CTDSPL: variants seen among roughly 807,000 people sequenced by gnomAD.
CTDSPL encodes CTD small phosphatase like.
In CTDSPL, 8 loss-of-function variants were observed where a neutral mutation model predicts 30.5. That is an observed-to-expected ratio of 0.26 (90% CI 0.15 to 0.47). CTDSPL has a LOEUF of 0.47. CTDSPL is among the 20% of genes least tolerant of loss of function. The pLI is 0.99. For missense variants in CTDSPL, 248 were observed against 366.1 expected, an observed-to-expected ratio of 0.68 and a Z score of 2.63; for synonymous variants, 110 against 137.9, an observed-to-expected ratio of 0.80 and a Z score of 1.42.
At chr3:37,945,579 C>T (rs573934130) in intron 1 of CTDSPL, among the ~76,000 whole-genome samples, 2 of 152,284 alleles carry the variant, frequency 1.3e-5, no homozygotes, top group South Asian at 2.1e-4. Context: ...GCCTGGCGGT[C>T]CCAATGGCCT....
At chr3:37,965,503 G>C (rs1699290542) in intron 4 of CTDSPL, among the ~76,000 whole-genome samples, 1 of 152,162 alleles carries the variant, frequency 6.6e-6, no homozygotes. Flanking sequence ...TTAGGATTCT[G>C]GTCTTGTTTT....
intron 1 of CTDSPL, among the ~76,000 whole-genome samples, chr3:37,876,031 C>G (rs1181262783): frequency 6.6e-6 from 1 of 151,686 alleles, no homozygotes; most frequent in Non-Finnish European, 1.5e-5. Flanking sequence ...TCACTGGGGC[C>G]CAGGAGTTAG....
At chr3:37,870,599 AT>A (rs1698061162) in intron 1 of CTDSPL, among the ~76,000 whole-genome samples, 1 of 151,740 alleles carries the variant, frequency 6.6e-6, no homozygotes, top group South Asian at 2.1e-4. Context: ...CTTCCGCTTT[AT>A]TTGGGTTTAT....
chr3:37,933,317 C>T (rs552040533), intron 1 of CTDSPL, among the ~76,000 whole-genome samples: 2 of 152,272 alleles, frequency 1.3e-5, no homozygotes, highest in African/African-American at 4.8e-5. Context: ...CCTCTCCCTT[C>T]CAGTTCTGTC....
intron 1 of CTDSPL, among the ~76,000 whole-genome samples, chr3:37,943,973 G>A (rs984756659): frequency 6.6e-6 from 1 of 150,400 alleles, no homozygotes; most frequent in East Asian, 2.0e-4. Context: ...GCTGTGGGCC[G>A]TGACAGTAGC....
In CTDSPL at chr3:37,862,176, G is replaced by C; in HGVS notation, c.-24G>C. ...TTGGCTTGCGGGGGGCCGGGCCTGC[G>C]GGCGGCCGCCGCGCCGCGCACCCAT... On this transcript the variant is annotated 5_prime_UTR_variant, in exon 1 of 8. Transcript: ENST00000273179. The surrounding 1 kb of genome is among the most constrained non-coding windows in gnomAD (Gnocchi z 4.3). 8.9e-7 allele frequency: 1 copy of C among 1,129,692 alleles called. No individual in the cohort carries two copies. The highest frequency in any genetic ancestry group is 1.1e-6 in the Non-Finnish European group (1 of 920,742). The allele number at this position is 1,129,692 out of a possible 1,614,324, so 70.0% of individuals were successfully genotyped here.
At chr3:37,980,672 C>T (rs35271401) in intron 7 of CTDSPL, 70 bp from the exon 8 acceptor site, 82,794 of 1,555,382 alleles carry the variant, frequency 0.053, 2,540 homozygotes, top group Non-Finnish European at 0.061. Flanking sequence ...GTCCGGGTAC[C>T]CGGTTAGGTT....
chr3:37,882,618 A>G (rs993405359), intron 1 of CTDSPL, among the ~76,000 whole-genome samples: 3 of 151,852 alleles, frequency 2.0e-5, no homozygotes, highest in East Asian at 3.9e-4. Context: ...CTCCGTCTCA[A>G]AAAATAATAA....
intron 1 of CTDSPL, among the ~76,000 whole-genome samples, chr3:37,942,116 A>G (rs1698985771): frequency 6.7e-6 from 1 of 150,208 alleles, no homozygotes; most frequent in South Asian, 2.1e-4. Context: ...CCATGTCTAT[A>G]TCTAATTTTT....
At chr3:37,972,623 T>A (rs919156286) in intron 6 of CTDSPL, among the ~76,000 whole-genome samples, 1 of 152,244 alleles carries the variant, frequency 6.6e-6, no homozygotes, top group Non-Finnish European at 1.5e-5. Context: ...TCCTCTCCAC[T>A]GTTTAAGGAA....
At chr3:37,967,922 T>G in intron 5 of CTDSPL, 40 bp downstream of exon 5, 1 of 1,333,616 alleles carries the variant, frequency 7.5e-7, no homozygotes, top group Non-Finnish European at 1.1e-6. Flanking sequence ...AATTAAGATT[T>G]TTTAGTACTT....
At chr3:37,909,150 C>T (rs912217692) in intron 1 of CTDSPL, among the ~76,000 whole-genome samples, 2 of 152,138 alleles carry the variant, frequency 1.3e-5, no homozygotes, top group African/African-American at 4.8e-5. Flanking sequence ...AGAAATTTCA[C>T]AGCATGGCAT....
chr3:37,881,823 T>A (rs1367787557), intron 1 of CTDSPL, among the ~76,000 whole-genome samples: 1 of 152,156 alleles, frequency 6.6e-6, no homozygotes, highest in African/African-American at 2.4e-5. Context: ...ATAGTTATTT[T>A]TGGAGAGAGA....
chr3:37,915,834 TTTA>T (rs1698639199), intron 1 of CTDSPL, among the ~76,000 whole-genome samples: 1 of 152,232 alleles, frequency 6.6e-6, no homozygotes, highest in Admixed American at 6.5e-5. Context: ...CTAGTTATTT[TTTA>T]TTAAGTGTCA....
intron 1 of CTDSPL, among the ~76,000 whole-genome samples, chr3:37,863,146 G>A (rs1391211940): frequency 6.6e-6 from 1 of 152,146 alleles, no homozygotes; most frequent in Non-Finnish European, 1.5e-5. Context: ...TGCTGTCTCC[G>A]GGCCACCAGC....
At chr3:37,926,935 C>G (rs1490838653) in intron 1 of CTDSPL, among the ~76,000 whole-genome samples, 1 of 152,174 alleles carries the variant, frequency 6.6e-6, no homozygotes, top group Non-Finnish European at 1.5e-5. Flanking sequence ...TCCAACAAAC[C>G]TGAGTTCAAA....
chr3:37,909,319 TG>T (rs1169454331), intron 1 of CTDSPL, among the ~76,000 whole-genome samples: 1 of 152,234 alleles, frequency 6.6e-6, no homozygotes, highest in Non-Finnish European at 1.5e-5. Context: ...TTTGTGGGAC[TG>T]GGATCATGAA....
Position 37,947,145 on chromosome 3 carries a change from G to A in CTDSPL, c.168G>A (p.Glu56=), listed in dbSNP as rs546609810. The stretch of plus-strand genomic sequence containing the variant: ...GCTGCTTCCGTGATTACAATGTGGA[G>A]GCCCCTCCACCCAGCAGCCCCAGTG... ...FFCCFRDYNV[E]APPPSSPSVL... is the part of the protein sequence containing the mutation. The change falls in exon 2 of 8, where the codon GAG becomes GAA. Residue 56 remains glutamate, a synonymous_variant. Transcript: ENST00000273179. 6.2e-7 allele frequency: 1 copy of A among 1,613,280 alleles called. No individual in the cohort carries two copies. The highest frequency in any genetic ancestry group is 8.5e-7 in the Non-Finnish European group (1 of 1,179,996).
In CTDSPL at chr3:37,982,654, A is replaced by G. The variant is rs1190894295; in HGVS notation, c.*1787A>G. 2.2e-6 allele frequency: 1 copy of G among 455,078 alleles called. No individual in the cohort carries two copies. The allele number at this position is 455,078 out of a possible 1,614,324, so 28.2% of individuals were successfully genotyped here. ...ATATTCAGAAGGGAAGTAAGTATTCAGGGGGTAAACAGGTCTCCCAGCATT... is the reference window on the plus strand; with the variant it reads ...ATATTCAGAAGGGAAGTAAGTATTCGGGGGGTAAACAGGTCTCCCAGCATT... On this transcript the variant is annotated 3_prime_UTR_variant, in exon 8 of 8. Coordinates refer to ENST00000273179, the MANE Select transcript of CTDSPL (RefSeq NM_001008392.2).
Sources: gnomAD v4.1 joint callset for allele counts (sites outside exome capture counted in the v4.1 genomes callset) on GRCh38, gnomAD v4.1.1 for gene constraint, Gnocchi (gnomAD v3.1) non-coding constraint, MANE v1.5 for transcripts, NCBI Gene and HGNC (gene_info 2026-07-23, HGNC 2026-07-21) for gene names.